NTM: variants seen among roughly 807,000 people sequenced by gnomAD.
NTM encodes the protein IgLON family member 2.
NTM carries 13 observed loss-of-function variants against 42.1 expected under a neutral mutation model. The ratio of observed to expected loss-of-function variants is 0.31; its 90% CI spans 0.20 to 0.49. The LOEUF (loss-of-function observed/expected upper bound fraction) is 0.49. Among genes scored for constraint, NTM ranks in the 20% least tolerant of loss-of-function variants. The probability of loss-of-function intolerance (pLI) is 0.99; values close to 1 mark genes in which losing one functional copy is unlikely to be tolerated. For synonymous variants in NTM, 187 were observed against 179.2 expected (o/e 1.04, Z -0.35); for missense variants, 373 against 452.8 (o/e 0.82, Z 1.60).
At chr11:132,198,930 A>G (rs1347497496) in intron 3 of NTM, among the ~76,000 whole-genome samples, 1 of 152,236 alleles carries the variant, frequency 6.6e-6, no homozygotes, top group Non-Finnish European at 1.5e-5. Flanking sequence ...CTAATGGAAG[A>G]CAAGGTGTGT....
intron 2 of NTM, among the ~76,000 whole-genome samples, chr11:132,085,499 C>T (rs547716237): frequency 3.3e-5 from 5 of 152,176 alleles, no homozygotes; most frequent in African/African-American, 4.8e-5. Flanking sequence ...GTATCTGACC[C>T]GTATAATTTA....
intron 2 of NTM, among the ~76,000 whole-genome samples, chr11:132,114,176 A>C (rs968576819): frequency 1.3e-5 from 2 of 152,238 alleles, no homozygotes; most frequent in African/African-American, 4.8e-5. Flanking sequence ...TATTGAAAAG[A>C]TCTTATCTTG....
chr11:132,193,435 T>C (rs969205678), intron 3 of NTM, among the ~76,000 whole-genome samples: 1 of 149,552 alleles, frequency 6.7e-6, no homozygotes, highest in African/African-American at 2.5e-5. Flanking sequence ...AAAGTAAAAA[T>C]AAAAAAATAA....
chr11:131,533,719 CA>C (rs1345687561), intron 1 of NTM: 3 of 152,108 alleles, frequency 2.0e-5, no homozygotes, highest in Admixed American at 6.5e-5. Flanking sequence ...GTCAATCTGC[CA>C]GGAAATACAG....
chr11:131,694,872 C>G (rs2075242441), intron 1 of NTM, among the ~76,000 whole-genome samples: 1 of 152,200 alleles, frequency 6.6e-6, no homozygotes, highest in African/African-American at 2.4e-5. Context: ...ATGTAGGAAT[C>G]TGGAACTCGC....
chr11:131,390,272 C>T (rs1943836166), intron 1 of NTM, among the ~76,000 whole-genome samples: 1 of 152,064 alleles, frequency 6.6e-6, no homozygotes, highest in South Asian at 2.1e-4. Flanking sequence ...AATGAGAATC[C>T]ATTACTTTGA....
At chr11:131,915,434 C>A (rs541649431) in intron 2 of NTM, among the ~76,000 whole-genome samples, 1 of 152,360 alleles carries the variant, frequency 6.6e-6, no homozygotes, top group South Asian at 2.1e-4. Flanking sequence ...GGCATGAGCA[C>A]TGTGTGCTGG....
At chr11:131,619,666 T>C (rs1358594062) in intron 1 of NTM, among the ~76,000 whole-genome samples, 10 of 151,982 alleles carry the variant, frequency 6.6e-5, no homozygotes, top group Non-Finnish European at 1.3e-4. Flanking sequence ...AGACGCAAAT[T>C]TTTCATGAAA....
Position 131,844,165 on chromosome 11 carries a change from G to A in NTM, c.83-67399G>A, listed in dbSNP as rs75310516. Among the ~76,000 whole-genome samples the A allele has an allele frequency of 4.0e-3, 603 of 152,286 alleles. 3 individuals are homozygous for A. Among genetic ancestry groups the A allele is most frequent in the African/African-American group, 0.014 (578 of 41,558 alleles). The stretch of plus-strand genomic sequence containing the variant: ...ATTCTAATAATGGCAAAGTGTTGCT[G>A]TTGGTATTTAGCTTTTTAATCTATC... On this transcript the variant is annotated intron_variant, in intron 1 of 8. Transcript: ENST00000683400.
intron 2 of NTM, among the ~76,000 whole-genome samples, chr11:132,093,296 C>T (rs1207567244): frequency 6.6e-6 from 1 of 152,186 alleles, no homozygotes. Flanking sequence ...TTTGCACATG[C>T]TGTTTCCTCT....
chr11:131,484,900 T>C (rs1416674764), intron 1 of NTM, among the ~76,000 whole-genome samples: 1 of 152,170 alleles, frequency 6.6e-6, no homozygotes, highest in South Asian at 2.1e-4. Context: ...ACATAAGCAT[T>C]GAAATCAGAG....
At chr11:131,911,170 C>T in intron 1 of NTM, 1 of 1,329,372 alleles carries the variant, frequency 7.5e-7, no homozygotes, top group Non-Finnish European at 9.7e-7. Context: ...GAGACGCGCC[C>T]ACACCTTTCA....
intron 3 of NTM, among the ~76,000 whole-genome samples, chr11:132,153,403 G>GAAAAAA (rs1255821460): frequency 2.6e-5 from 4 of 152,140 alleles, no homozygotes; most frequent in African/African-American, 9.7e-5. Flanking sequence ...TTAAGGGTTG[G>GAAAAAA]ATGAGGTCTC....
chr11:131,533,869 T>G (rs1173830062), intron 1 of NTM: 1 of 152,094 alleles, frequency 6.6e-6, no homozygotes, highest in Non-Finnish European at 1.5e-5. Flanking sequence ...GAACTAGAAG[T>G]GTATTTGCTG....
At position 131,507,212 on chromosome 11, in the gene NTM, C is replaced by A. The variant is rs374440028; in HGVS notation, c.82+136324C>A. ...AGTTGAAATTTGCTCAGTTTTTAATCCATCTTGAATTGATTTTTGTATAAG... is the reference window on the plus strand; with the variant it reads ...AGTTGAAATTTGCTCAGTTTTTAATACATCTTGAATTGATTTTTGTATAAG... On this transcript the variant is annotated intron_variant, in intron 1 of 8. Transcript: ENST00000683400. Among the ~76,000 whole-genome samples the A allele has an allele frequency of 1.2e-4, 19 of 152,258 alleles. 1 individual carries two copies. In the Middle Eastern group the frequency reaches 0.01, roughly 82 times the overall value.
intron 4 of NTM, among the ~76,000 whole-genome samples, chr11:132,260,927 C>T (rs1371461574): frequency 1.3e-5 from 2 of 152,170 alleles, no homozygotes; most frequent in African/African-American, 4.8e-5. Flanking sequence ...TGTAGACCTA[C>T]TTTCTTTAGG....
At chr11:131,864,590 G>A (rs1253441586) in intron 1 of NTM, among the ~76,000 whole-genome samples, 1 of 152,190 alleles carries the variant, frequency 6.6e-6, no homozygotes, top group Non-Finnish European at 1.5e-5. Flanking sequence ...AGAGTGTTAG[G>A]TTTCAAGGGA....
intron 1 of NTM, among the ~76,000 whole-genome samples, chr11:131,414,562 G>A (rs924636449): frequency 1.3e-5 from 2 of 152,172 alleles, no homozygotes; most frequent in Non-Finnish European, 2.9e-5. Context: ...GTCCTTTGGA[G>A]GAGAAAGGAT....
At chr11:131,778,738 T>C (rs2087512570) in intron 1 of NTM, among the ~76,000 whole-genome samples, 2 of 152,234 alleles carry the variant, frequency 1.3e-5, no homozygotes, top group African/African-American at 4.8e-5. Context: ...TCAAAACTTC[T>C]GATGACTAGC....
Sources: allele counts gnomAD v4.1 joint callset (sites outside exome capture counted in the v4.1 genomes callset), GRCh38; gene constraint gnomAD v4.1.1; transcripts MANE v1.5; gene names NCBI Gene and HGNC (gene_info 2026-07-23, HGNC 2026-07-21).